FAT2: variants seen among roughly 807,000 people sequenced by gnomAD.
FAT2 encodes the protein FAT atypical cadherin 2.
FAT2 carries 150 observed loss-of-function variants against 295.3 expected under a neutral mutation model. The ratio of observed to expected loss-of-function variants is 0.51; its 90% CI spans 0.44 to 0.58. FAT2 has a LOEUF of 0.58. Among genes scored for constraint, FAT2 ranks in the 20% least tolerant of loss-of-function variants. FAT2 has a pLI of 0.00. For synonymous variants in FAT2, 2,026 were observed against 2,150.3 expected (o/e 0.94, Z 1.60); for missense variants, 4,868 against 5,442.7 (o/e 0.89, Z 3.32).
In FAT2 at chr5:151,504,444, AC is replaced by A. The variant is rs1760692040; in HGVS notation, c.*1120del. The A allele has an allele frequency of 6.5e-6, 1 of 152,688 alleles. No individual in the cohort carries two copies. The highest frequency in any genetic ancestry group is 2.4e-5 in the African/African-American group (1 of 41,464). 9.5% of individuals were successfully genotyped at this position (152,688 alleles called of 1,614,324 possible). A position where few individuals can be genotyped will look rare whatever the true frequency, so the allele number is the denominator to read the frequency against. On this transcript the variant is annotated 3_prime_UTR_variant, in exon 24 of 24. Coordinates refer to ENST00000261800, the MANE Select transcript of FAT2 (RefSeq NM_001447.3). ...ACACACGTACTATCCATGGGCACCC[AC>A]ATGTGTAGACATGTGCCCACATTGA...
At position 151,543,977 on chromosome 5, in the gene FAT2, A is replaced by G. The variant is rs748880697; in HGVS notation, c.7150T>C (p.Tyr2384His). 2 of 1,614,140 alleles carry G rather than the reference A, an allele frequency of 1.2e-6. No homozygotes were observed. The highest frequency in any genetic ancestry group is 3.3e-5 in the Admixed American group (2 of 60,022). ...GCCAGTTCACTGACATTGGCTTCAT[A>G]TTGAGGTTGTCTGAACTCTGGGGGG... ...DNPPEFRQPQ[Y>H]EANVSELATC... The change falls in exon 10 of 24, where the codon TAT (tyrosine) becomes CAT (histidine). Residue 2384 changes from tyrosine (Y) to histidine (H), a missense_variant. Tyr to His is a moderately conservative substitution (Grantham distance 83). Coordinates refer to ENST00000261800, the MANE Select transcript of FAT2 (RefSeq NM_001447.3).
chr5:151,505,712 G>A lies in FAT2; in HGVS notation c.12903C>T (p.Arg4301=), dbSNP rs754929211. Residue 4301 remains arginine, a synonymous_variant, in exon 24 of 24, where the codon CGC becomes CGT. Coordinates refer to ENST00000261800, the MANE Select transcript of FAT2 (RefSeq NM_001447.3). ...CATAAGAGGGCCCAGCTCGGCTGAG[G>A]CGCATACCCACCCCCTTGTAGCCCC... is the stretch of plus-strand genomic sequence containing the variant. ...ADGGYKGVGM[R]LSRAGPSYAV... is the part of the protein sequence containing the mutation. 6.2e-7 allele frequency: 1 copy of A among 1,613,980 alleles called. No individual in the cohort carries two copies. The highest frequency in any genetic ancestry group is 8.5e-7 in the Non-Finnish European group (1 of 1,179,870).
chr5:151,579,636 A>C (rs1758868115), intron 1 of FAT2, among the ~76,000 whole-genome samples: 1 of 152,178 alleles, frequency 6.6e-6, no homozygotes, highest in African/African-American at 2.4e-5. Flanking sequence ...AAATGGCTTG[A>C]TTTAGCCATT....
chr5:151,578,819 C>T (rs1036922620), intron 1 of FAT2, among the ~76,000 whole-genome samples: 3 of 152,128 alleles, frequency 2.0e-5, no homozygotes, highest in Non-Finnish European at 2.9e-5. Context: ...GTTGTGACAG[C>T]GCATATGAAC....
rs1435223148 is a variant in FAT2, at chr5:151,566,647, C to A, written c.2285G>T (p.Cys762Phe). The change falls in exon 2 of 24, where the codon TGC (cysteine) becomes TTC (phenylalanine). Residue 762 changes from cysteine (C) to phenylalanine (F), a missense_variant. Cys to Phe is a radical substitution (Grantham distance 205, BLOSUM62 -2). Around this residue, in one of 5 missense-constraint regions of FAT2, gnomAD observed 3,297 missense variants for 3,669.4 expected, o/e 0.90. Coordinates refer to ENST00000261800, the MANE Select transcript of FAT2 (RefSeq NM_001447.3). ...CCCTGTCTCCAGCTCTATGTCAAAG[C>A]AGCCCTCCTCATTGCCATCTGCAAT... ...YVIADGNEEG[C>F]FDIELETGLL... 3 of 1,614,052 alleles carry A rather than the reference C, an allele frequency of 1.9e-6. No homozygotes were observed. The highest frequency in any genetic ancestry group is 2.5e-6 in the Non-Finnish European group (3 of 1,180,048).
intron 13 of FAT2, 125 bp from the exon 14 acceptor site, chr5:151,532,095 G>A: frequency 1.6e-6 from 2 of 1,275,018 alleles, no homozygotes; most frequent in East Asian, 2.4e-5. Flanking sequence ...AGCTGGCTTG[G>A]GTATATGAAG....
chr5:151,581,254 T>G (rs1319305376), intron 1 of FAT2, among the ~76,000 whole-genome samples: 2 of 152,196 alleles, frequency 1.3e-5, no homozygotes, highest in Admixed American at 1.3e-4. Flanking sequence ...AGAACTGAGA[T>G]GAAGGGCATA....
At chr5:151,513,964 A>C (rs1752580866) in intron 20 of FAT2, among the ~76,000 whole-genome samples, 1 of 152,174 alleles carries the variant, frequency 6.6e-6, no homozygotes, top group African/African-American at 2.4e-5. Flanking sequence ...TCTGAGAACC[A>C]CTGGGTTAAA....
At chr5:151,586,126 C>A (rs1759158774) in intron 1 of FAT2, among the ~76,000 whole-genome samples, 1 of 152,192 alleles carries the variant, frequency 6.6e-6, no homozygotes, top group Non-Finnish European at 1.5e-5. Flanking sequence ...TGGGAAGACC[C>A]TGAGGGGAGA....
chr5:151,513,484 A>T (rs1438573736), intron 20 of FAT2, among the ~76,000 whole-genome samples: 2 of 152,220 alleles, frequency 1.3e-5, no homozygotes, highest in Non-Finnish European at 2.9e-5. Flanking sequence ...TAAGCAAACT[A>T]ACACAGGAAC....
At chr5:151,572,284 T>A (rs913624784) in intron 1 of FAT2, among the ~76,000 whole-genome samples, 3 of 151,960 alleles carry the variant, frequency 2.0e-5, no homozygotes, top group African/African-American at 7.3e-5. Flanking sequence ...TCAATACTAG[T>A]TGAGAAATGG....
upstream of FAT2, among the ~76,000 whole-genome samples, chr5:151,594,582 CA>C (rs1316802059): frequency 6.6e-6 from 1 of 152,218 alleles, no homozygotes; most frequent in Non-Finnish European, 1.5e-5. Context: ...AAAGTTTTTA[CA>C]GGGGTGCCGC....
upstream of FAT2, among the ~76,000 whole-genome samples, chr5:151,593,047 G>C (rs541309763): frequency 6.6e-6 from 1 of 152,314 alleles, no homozygotes; most frequent in South Asian, 2.1e-4. Context: ...CCACCAGTAG[G>C]ATTCTCTGAG....
At chr5:151,570,672 G>A (rs1263402564) in intron 1 of FAT2, among the ~76,000 whole-genome samples, 3 of 152,226 alleles carry the variant, frequency 2.0e-5, no homozygotes, top group Admixed American at 1.3e-4. Flanking sequence ...GCTTGCCCCT[G>A]GGAGCCTTGA....
At chr5:151,556,304 T>C in intron 4 of FAT2, 40 bp downstream of exon 4, 1 of 1,580,640 alleles carries the variant, frequency 6.3e-7, no homozygotes, top group Non-Finnish European at 8.7e-7. Context: ...CTAACATGGC[T>C]CCACAAATCA....
At chr5:151,590,949 C>T (rs918430260) in intron 1 of FAT2, among the ~76,000 whole-genome samples, 2 of 152,194 alleles carry the variant, frequency 1.3e-5, no homozygotes, top group Admixed American at 6.5e-5. Context: ...GATCCCCAGC[C>T]GCGGACTGGC....
chr5:151,558,845 C>T (rs1355791535), intron 3 of FAT2, among the ~76,000 whole-genome samples: 1 of 152,174 alleles, frequency 6.6e-6, no homozygotes, highest in East Asian at 1.9e-4. Context: ...GGCGCTAGCT[C>T]TCTGCAAGAT....
chr5:151,587,173 A>AC (rs1759210195), intron 1 of FAT2, among the ~76,000 whole-genome samples: 1 of 151,960 alleles, frequency 6.6e-6, no homozygotes, highest in Non-Finnish European at 1.5e-5. Flanking sequence ...AAACAAAAAA[A>AC]AAACAAAAAA....
chr5:151,521,565 G>A lies in FAT2; in HGVS notation c.11028C>T (p.Ala3676=), dbSNP rs768544929. ...CCAGGAGCACATCCACACCAGCCACGGCCTCTGCAGGCTGGAGGCTGGCCA... is the reference window on the plus strand; with the variant it reads ...CCAGGAGCACATCCACACCAGCCACAGCCTCTGCAGGCTGGAGGCTGGCCA... ...IHLASLQPAE[A]VAGVDVLLVF... Residue 3676 remains alanine (A), a synonymous_variant, in exon 19 of 24, where the codon GCC becomes GCT. Transcript: ENST00000261800. 6.8e-6 allele frequency: 11 copies of A among 1,614,090 alleles called. No homozygotes were observed. Among genetic ancestry groups the A allele is most frequent in the East Asian group, 2.2e-5 (1 of 44,896 alleles).
Sources: gnomAD v4.1 joint callset for allele counts (sites outside exome capture counted in the v4.1 genomes callset) on GRCh38, gnomAD v4.1.1 for gene constraint, gnomAD v4.1.1 regional missense constraint, MANE v1.5 for transcripts, NCBI Gene and HGNC (gene_info 2026-07-23, HGNC 2026-07-21) for gene names.